The following MAGI2 variants were observed in gnomAD, a reference collection of about 807,000 sequenced individuals.
MAGI2 encodes the protein membrane associated guanylate kinase, WW and PDZ domain containing 2, also known as membrane-associated guanylate kinase, WW and PDZ domain-containing protein 2.
Under a neutral mutation model 133.3 loss-of-function variants are expected in MAGI2, and 35 were observed. The observed-to-expected ratio is 0.26, with a 90% CI of 0.20 to 0.35. The LOEUF is 0.35. Among genes scored for constraint, MAGI2 ranks in the 10% least tolerant of loss-of-function variants. The pLI is 1.00. For missense variants in MAGI2, 1,636 were observed against 1,863.4 expected (o/e 0.88, Z 2.25); for synonymous variants, 729 against 710.6 (o/e 1.03, Z -0.41).
chr7:79,168,708 T>G (rs998402724), intron 1 of MAGI2, among the ~76,000 whole-genome samples: 1 of 151,950 alleles, frequency 6.6e-6, no homozygotes, highest in African/African-American at 2.4e-5. Flanking sequence ...TCCCTGAATT[T>G]GCTATAAACA....
intron 1 of MAGI2, among the ~76,000 whole-genome samples, chr7:79,326,698 T>C (rs1839722964): frequency 6.6e-6 from 1 of 151,834 alleles, no homozygotes; most frequent in Non-Finnish European, 1.5e-5. Context: ...CCTGTTTTCC[T>C]TTAGTTACTG....
intron 2 of MAGI2, among the ~76,000 whole-genome samples, chr7:78,797,124 GAGA>G (rs1787681365): frequency 6.6e-6 from 1 of 152,106 alleles, no homozygotes; most frequent in Non-Finnish European, 1.5e-5. Flanking sequence ...ATAGCTAGAA[GAGA>G]AGAATTGTAA....
At chr7:78,861,270 T>A (rs894404954) in intron 2 of MAGI2, among the ~76,000 whole-genome samples, 1 of 152,116 alleles carries the variant, frequency 6.6e-6, no homozygotes, top group African/African-American at 2.4e-5. Flanking sequence ...ACCCAGTACC[T>A]CAGTTGGAAA....
At chr7:78,908,807 T>C (rs530222391) in intron 2 of MAGI2, among the ~76,000 whole-genome samples, 87 of 152,290 alleles carry the variant, frequency 5.7e-4, no homozygotes, top group Non-Finnish European at 1.1e-3. Context: ...CTAGAACATA[T>C]ATGTAGATCA....
chr7:78,235,008 G>A (rs1394833387), intron 10 of MAGI2, among the ~76,000 whole-genome samples: 1 of 151,790 alleles, frequency 6.6e-6, no homozygotes, highest in African/African-American at 2.4e-5. Context: ...TAGAACCAGG[G>A]GAATTTGAGA....
chr7:78,339,791 A>C (rs905210909), intron 9 of MAGI2, among the ~76,000 whole-genome samples: 1 of 152,206 alleles, frequency 6.6e-6, no homozygotes, highest in Non-Finnish European at 1.5e-5. Context: ...CTTGTAGAAA[A>C]TTATGTACAC....
chr7:78,226,975 A>T (rs1789452072), intron 10 of MAGI2, among the ~76,000 whole-genome samples: 1 of 152,160 alleles, frequency 6.6e-6, no homozygotes, highest in African/African-American at 2.4e-5. Context: ...TTAAAATCAG[A>T]TTTTAGTTTG....
chr7:78,204,214 G>A (rs1303738670), intron 10 of MAGI2, among the ~76,000 whole-genome samples: 1 of 152,164 alleles, frequency 6.6e-6, no homozygotes, highest in Non-Finnish European at 1.5e-5. Flanking sequence ...TATTGGGCAT[G>A]ATTATTTAAA....
chr7:78,047,822 A>T (rs890156690), intron 21 of MAGI2, among the ~76,000 whole-genome samples: 3 of 151,952 alleles, frequency 2.0e-5, no homozygotes, highest in African/African-American at 7.3e-5. Context: ...ACTCCTTTCC[A>T]TGCTTCAGCC....
At chr7:78,278,511 A>G (rs192773875) in intron 9 of MAGI2, among the ~76,000 whole-genome samples, 1 of 152,206 alleles carries the variant, frequency 6.6e-6, no homozygotes, top group African/African-American at 2.4e-5. Context: ...TTTTCTGTTC[A>G]TAAGGACTGT....
At chr7:78,864,434 A>T (rs778511314) in intron 2 of MAGI2, among the ~76,000 whole-genome samples, 1 of 152,214 alleles carries the variant, frequency 6.6e-6, no homozygotes, top group Non-Finnish European at 1.5e-5. Flanking sequence ...TTGGCATCCA[A>T]ATAAATGCTT....
Position 78,249,970 on chromosome 7 carries a change from A to G in MAGI2, c.2047+5973T>C, listed in dbSNP as rs1792217530. Among the ~76,000 whole-genome samples the G allele has an allele frequency of 3.3e-5, 5 of 152,220 alleles. No homozygotes were observed. In the South Asian group the frequency reaches 1.0e-3, roughly 32 times the overall value. ...ATCATATACCCCATAAATATGTATAATTATTGTCAATTAAAAATAGACTTA... is the reference window on the plus strand; with the variant it reads ...ATCATATACCCCATAAATATGTATAGTTATTGTCAATTAAAAATAGACTTA... On this transcript the variant is annotated intron_variant, in intron 10 of 21. Transcript: ENST00000354212.
chr7:78,633,621 G>C (rs949119863), intron 2 of MAGI2, among the ~76,000 whole-genome samples: 3 of 151,470 alleles, frequency 2.0e-5, no homozygotes, highest in South Asian at 2.1e-4. Context: ...CAGGAGAATG[G>C]CGTGAACCCG....
At chr7:78,554,849 T>C (rs1010922321) in intron 3 of MAGI2, among the ~76,000 whole-genome samples, 7 of 151,976 alleles carry the variant, frequency 4.6e-5, no homozygotes, top group African/African-American at 1.7e-4. Flanking sequence ...TAAAAATACA[T>C]AGTTTGGCCG....
intron 10 of MAGI2, among the ~76,000 whole-genome samples, chr7:78,210,603 A>G (rs750257696): frequency 6.6e-6 from 1 of 152,194 alleles, no homozygotes; most frequent in Non-Finnish European, 1.5e-5. Flanking sequence ...GTTTGAGTTT[A>G]GGTGTTTAAG....
chr7:78,726,289 TA>T (rs1820802402), intron 2 of MAGI2, among the ~76,000 whole-genome samples: 1 of 152,218 alleles, frequency 6.6e-6, no homozygotes, highest in South Asian at 2.1e-4. Flanking sequence ...AAAACATTTG[TA>T]AAACTAAATG....
In MAGI2 at chr7:78,330,348, T is replaced by C. The variant is rs1028956100; in HGVS notation, c.1408+13430A>G. Among the ~76,000 whole-genome samples, 16 of 36,962 alleles carry C rather than the reference T, an allele frequency of 4.3e-4. 5 individuals carry two copies. The highest frequency in any genetic ancestry group is 7.2e-4 in the Non-Finnish European group (11 of 15,220). The allele number at this position is 36,962 out of a possible 152,430, so 24.2% of individuals were successfully genotyped here. A position where few individuals can be genotyped will look rare whatever the true frequency, so the allele number is the denominator to read the frequency against. On this transcript the variant is annotated intron_variant, in intron 9 of 21. Transcript: ENST00000354212. ...AAGATTCCTTCACGGCCGGGCGCGG[T>C]GGCTCACGCCTGTAATCCCAGCACT... is the stretch of plus-strand genomic sequence containing the variant.
At chr7:78,513,300 A>G (rs1443660841) in intron 4 of MAGI2, among the ~76,000 whole-genome samples, 1 of 152,196 alleles carries the variant, frequency 6.6e-6, no homozygotes, top group Non-Finnish European at 1.5e-5. Context: ...GATGAGGGCA[A>G]AAAGTCAAAC....
At chr7:78,649,636 CT>C (rs200231652) in intron 2 of MAGI2, among the ~76,000 whole-genome samples, 4 of 151,382 alleles carry the variant, frequency 2.6e-5, no homozygotes, top group Admixed American at 2.0e-4. Flanking sequence ...CAAAAAATTT[CT>C]TTTTTTTTAT....
Sources: allele counts gnomAD v4.1 joint callset (sites outside exome capture counted in the v4.1 genomes callset), GRCh38; gene constraint gnomAD v4.1.1; transcripts MANE v1.5; gene names NCBI Gene and HGNC (gene_info 2026-07-23, HGNC 2026-07-21).